Variants in NRXN1 observed in about 807,000 individuals in gnomAD.
NRXN1 encodes the protein neurexin-1.
A neutral mutation model predicts 150.9 loss-of-function variants in NRXN1; 39 were observed. The observed-to-expected ratio is 0.26, with a 90% CI of 0.20 to 0.34. The LOEUF is 0.34. Ranked by LOEUF, NRXN1 falls within the 10% of genes least tolerant of loss-of-function variation. NRXN1 has a pLI of 1.00. For synonymous variants in NRXN1, 924 were observed against 757.0 expected (o/e 1.22, Z -3.62); for missense variants, 1,815 against 1,949.9 (o/e 0.93, Z 1.30).
At chr2:50,804,131 G>A (rs530231420) in intron 5 of NRXN1, among the ~76,000 whole-genome samples, 1 of 151,994 alleles carries the variant, frequency 6.6e-6, no homozygotes, top group African/African-American at 2.4e-5. Context: ...ATCAGTTCTC[G>A]AAATGAAATC....
intron 13 of NRXN1, among the ~76,000 whole-genome samples, chr2:50,504,777 A>C (rs1031179583): frequency 6.6e-6 from 1 of 152,154 alleles, no homozygotes; most frequent in African/African-American, 2.4e-5. Context: ...AAACTACTTC[A>C]TCTAGACCAT....
intron 17 of NRXN1, among the ~76,000 whole-genome samples, chr2:50,316,856 G>A (rs1195631448): frequency 6.6e-6 from 1 of 151,938 alleles, no homozygotes; most frequent in African/African-American, 2.4e-5. Flanking sequence ...AACCTAAGGT[G>A]AACTGAAAGC....
chr2:50,670,651 A>G lies in NRXN1; in HGVS notation c.833-47036T>C, dbSNP rs552236994. ...TCTTCTTATTCTGTACCTGGATCCA[A>G]TTTAGGATCGTACCTCACATTTAGT... On this transcript the variant is annotated intron_variant, in intron 5 of 22. Coordinates refer to ENST00000401669, the MANE Select transcript of NRXN1 (RefSeq NM_001330078.2). 2.6e-5 allele frequency among the ~76,000 whole-genome samples: 4 copies of G among 152,014 alleles called. No individual in the cohort carries two copies. In the South Asian group the frequency reaches 8.3e-4, roughly 32 times the overall value.
At chr2:50,343,099 C>T (rs995612780) in intron 17 of NRXN1, among the ~76,000 whole-genome samples, 1 of 152,206 alleles carries the variant, frequency 6.6e-6, no homozygotes, top group Non-Finnish European at 1.5e-5. Context: ...TCTGGGAAAG[C>T]CCTTTTGCCC....
At chr2:50,640,645 T>C (rs1683942863) in intron 5 of NRXN1, among the ~76,000 whole-genome samples, 1 of 152,166 alleles carries the variant, frequency 6.6e-6, no homozygotes, top group Non-Finnish European at 1.5e-5. Context: ...TAAATAACTA[T>C]GCCAATATTA....
At chr2:50,174,450 G>A (rs1260132403) in intron 18 of NRXN1, among the ~76,000 whole-genome samples, 1 of 152,092 alleles carries the variant, frequency 6.6e-6, no homozygotes, top group Non-Finnish European at 1.5e-5. Context: ...CTAATACACA[G>A]ATGACTTCAA....
At chr2:50,466,705 A>G (rs1184638382) in intron 16 of NRXN1, among the ~76,000 whole-genome samples, 1 of 151,736 alleles carries the variant, frequency 6.6e-6, no homozygotes, top group Non-Finnish European at 1.5e-5. Context: ...TTAATTGTAC[A>G]TATGTATATA....
At chr2:50,538,724 A>G in intron 9 of NRXN1, 88 bp from the exon 10 acceptor site, 1 of 1,099,478 alleles carries the variant, frequency 9.1e-7, no homozygotes, top group South Asian at 3.1e-5. Context: ...CTTGATGGTT[A>G]ACTCCTTGGA....
chr2:50,808,686 A>C (rs1667830360), intron 5 of NRXN1, among the ~76,000 whole-genome samples: 1 of 152,112 alleles, frequency 6.6e-6, no homozygotes. Context: ...GGCCTCTGAT[A>C]ATTTTATTTT....
chr2:50,634,088 G>A (rs574443131), intron 5 of NRXN1, among the ~76,000 whole-genome samples: 14 of 152,330 alleles, frequency 9.2e-5, no homozygotes, highest in African/African-American at 3.1e-4. Context: ...AGAGCTGTGG[G>A]ATGGGGCTAT....
chr2:50,681,145 G>C (rs550295366), intron 5 of NRXN1, among the ~76,000 whole-genome samples: 1 of 152,310 alleles, frequency 6.6e-6, no homozygotes, highest in African/African-American at 2.4e-5. Context: ...AGGTGGGGCA[G>C]ATAATGCACA....
intron 15 of NRXN1, among the ~76,000 whole-genome samples, chr2:50,484,615 T>C (rs962857119): frequency 6.6e-6 from 1 of 152,226 alleles, no homozygotes; most frequent in Non-Finnish European, 1.5e-5. Flanking sequence ...GAGCCTATTC[T>C]ACATACCTAT....
At chr2:50,570,021 T>C (rs1337787720) in intron 8 of NRXN1, among the ~76,000 whole-genome samples, 2 of 152,186 alleles carry the variant, frequency 1.3e-5, no homozygotes, top group Non-Finnish European at 2.9e-5. Flanking sequence ...GCTGCTCATA[T>C]ACATGTGGAT....
intron 5 of NRXN1, among the ~76,000 whole-genome samples, chr2:50,757,706 G>A (rs13006178): frequency 5.9e-5 from 9 of 151,738 alleles, no homozygotes; most frequent in Non-Finnish European, 1.2e-4. Context: ...GTGTACAAGC[G>A]TGATAGTCTT....
At chr2:50,992,244 A>C (rs1698642641) in intron 2 of NRXN1, among the ~76,000 whole-genome samples, 1 of 152,026 alleles carries the variant, frequency 6.6e-6, no homozygotes, top group African/African-American at 2.4e-5. Context: ...TTTATTCCTT[A>C]ACTAGTAAAG....
intron 21 of NRXN1, among the ~76,000 whole-genome samples, chr2:49,997,863 G>T (rs986413531): frequency 6.6e-6 from 1 of 152,196 alleles, no homozygotes; most frequent in Admixed American, 6.5e-5. Flanking sequence ...GGGTGCAAGG[G>T]AGACTTCACA....
At chr2:50,051,111 A>T (rs1692643840) in intron 21 of NRXN1, among the ~76,000 whole-genome samples, 1 of 152,034 alleles carries the variant, frequency 6.6e-6, no homozygotes, top group Non-Finnish European at 1.5e-5. Flanking sequence ...ATAATAAAAG[A>T]GGCTCTTTTC....
intron 17 of NRXN1, among the ~76,000 whole-genome samples, chr2:50,291,509 C>A (rs959294224): frequency 6.6e-5 from 10 of 152,068 alleles, no homozygotes; most frequent in Admixed American, 3.3e-4. Context: ...CCCATGAACC[C>A]AGCTCTAGAG....
intron 5 of NRXN1, among the ~76,000 whole-genome samples, chr2:50,673,316 A>G (rs1265791065): frequency 2.6e-5 from 4 of 152,262 alleles, no homozygotes; most frequent in South Asian, 2.1e-4. Flanking sequence ...TTTTTCTACC[A>G]ATACTAGCAA....
Sources: allele counts gnomAD v4.1 joint callset (sites outside exome capture counted in the v4.1 genomes callset), GRCh38; gene constraint gnomAD v4.1.1; transcripts MANE v1.5; gene names NCBI Gene and HGNC (gene_info 2026-07-23, HGNC 2026-07-21).